GLB1L: variants seen among roughly 807,000 people sequenced by gnomAD.
GLB1L encodes the protein beta-galactosidase-1-like protein.
A neutral mutation model predicts 75.7 loss-of-function variants in GLB1L; 58 were observed. That is an observed-to-expected ratio of 0.77 (90% CI 0.62 to 0.95). The LOEUF (loss-of-function observed/expected upper bound fraction) is 0.95. Ranked by LOEUF, GLB1L falls within the 40% of genes least tolerant of loss-of-function variation. The pLI, the probability that GLB1L is intolerant of heterozygous loss-of-function variation, is 0.00. For missense variants in GLB1L, 797 were observed against 805.5 expected (o/e 0.99, Z 0.13); for synonymous variants, 296 against 303.0 (o/e 0.98, Z 0.24).
In GLB1L at chr2:219,241,860, C is replaced by T. The variant is rs1372452349; in HGVS notation, c.451+654G>A. Among the ~76,000 whole-genome samples the T allele has an allele frequency of 3.3e-5, 5 of 151,798 alleles. No individual in the cohort carries two copies. In the East Asian group the frequency reaches 5.8e-4, roughly 18 times the overall value. ...AGAACAGATTGTATGGGGGAGAGGG[C>T]AAACAAGGGAAACCAGTTAGGAAGC... On this transcript the variant is annotated intron_variant, in intron 5 of 16. Coordinates refer to ENST00000295759, the MANE Select transcript of GLB1L (RefSeq NM_001286423.2).
intron 5 of GLB1L, 88 bp from the exon 6 acceptor site, chr2:219,240,373 A>C: frequency 9.4e-7 from 1 of 1,062,748 alleles, no homozygotes; most frequent in Non-Finnish European, 1.5e-6. Flanking sequence ...CTTGTCAAGA[A>C]ATTCCCAACC....
At chr2:219,245,069 C>G (rs1052426163) in intron 1 of GLB1L, among the ~76,000 whole-genome samples, 160 bp downstream of exon 1, 2 of 152,222 alleles carry the variant, frequency 1.3e-5, no homozygotes, top group South Asian at 4.1e-4. Context: ...AGCTCTTAAC[C>G]ACTGAGACTA....
Position 219,243,604 on chromosome 2 carries a change from G to A in GLB1L, c.-31C>T, listed in dbSNP as rs774287295. 3.1e-6 allele frequency: 5 copies of A among 1,608,810 alleles called. No homozygotes were observed. In the African/African-American group the frequency reaches 5.4e-5, roughly 17 times the overall value. ...TTACAGCGCTCCTCTAGTCTGAGAC[G>A]GCGGACAGACCGTCACGTGTCGGAT... is the stretch of plus-strand genomic sequence containing the variant. On this transcript the variant is annotated 5_prime_UTR_variant, in exon 2 of 17. Transcript: ENST00000295759.
At chr2:219,241,442 G>GTGTGTA (rs1382897637) in intron 5 of GLB1L, among the ~76,000 whole-genome samples, 36 of 82,902 alleles carry the variant, frequency 4.3e-4, no homozygotes, top group South Asian at 1.5e-3. Flanking sequence ...GTGTGTGTGT[G>GTGTGTA]TATATATATA....
chr2:219,240,382 C>T, intron 5 of GLB1L, 97 bp from the exon 6 acceptor site: 1 of 953,252 alleles, frequency 1.0e-6, no homozygotes, highest in East Asian at 2.4e-5. Context: ...AAATTCCCAA[C>T]CCTAAGCACC....
At chr2:219,241,442 GTATATA>G (rs1212111892) in intron 5 of GLB1L, among the ~76,000 whole-genome samples, 2 of 82,890 alleles carry the variant, frequency 2.4e-5, no homozygotes, top group African/African-American at 8.6e-5. Flanking sequence ...GTGTGTGTGT[GTATATA>G]TATATATATA....
In GLB1L at chr2:219,238,283, TC is replaced by T. The variant is rs759772558; in HGVS notation, c.1307del (p.Gly436GlufsTer8). ...CCATCACATAGGCACGGTCATGGAC[TC>T]CATTATTTGGCACCCAGAATGGTGT... ...EPTPFWVPNN[G>X]VHDRAYVMVD... On this transcript the variant is annotated frameshift_variant, in exon 14 of 17. Transcript: ENST00000295759. LOFTEE classifies it high-confidence loss of function. 6.2e-7 allele frequency: 1 copy of T among 1,612,340 alleles called. No homozygotes were observed. Among genetic ancestry groups the T allele is most frequent in the Non-Finnish European group, 8.5e-7 (1 of 1,178,998 alleles).
At position 219,237,939 on chromosome 2, in the gene GLB1L, C is replaced by G; in HGVS notation, c.1360G>C (p.Glu454Gln). 6.2e-7 allele frequency: 1 copy of G among 1,614,148 alleles called. No homozygotes were observed. The highest frequency in any genetic ancestry group is 1.1e-5 in the South Asian group (1 of 91,076). The change falls in exon 15 of 17, where the codon GAG becomes CAG. Residue 454 changes from glutamate to glutamine, a missense_variant. Physicochemically the swap from Glu to Gln is conservative, Grantham distance 29 (BLOSUM62 2). Transcript: ENST00000295759. Reference protein sequence around the residue: ...MVDGVFQGVVERNMRDKLFLT... With the variant: ...MVDGVFQGVVQRNMRDKLFLT... ...AATAGTTTGTCTCTCATATTTCGCTCCACAACACCCTGGAACACCTGTGGA... is the reference window on the plus strand; with the variant it reads ...AATAGTTTGTCTCTCATATTTCGCTGCACAACACCCTGGAACACCTGTGGA...
chr2:219,243,789 G>A (rs1165508099), intron 1 of GLB1L, 146 bp from the exon 2 acceptor site: 2 of 551,708 alleles, frequency 3.6e-6, no homozygotes, highest in Non-Finnish European at 6.6e-6. Context: ...CAGCTTCATC[G>A]ACATCACCTG....
intron 16 of GLB1L, 21 bp from the exon 17 acceptor site, chr2:219,237,368 AAG>A (rs775430327): frequency 1.2e-6 from 2 of 1,608,064 alleles, no homozygotes; most frequent in Non-Finnish European, 1.7e-6. Context: ...GGGAGCAGGA[AAG>A]AGGGGAAAAG....
intron 14 of GLB1L, 37 bp downstream of exon 14, chr2:219,238,213 G>C (rs201628675): frequency 1.4e-5 from 19 of 1,396,180 alleles, no homozygotes; most frequent in Non-Finnish European, 1.8e-5. Flanking sequence ...GGGGAAGGGA[G>C]GAGTTTGGGG....
At chr2:219,244,558 C>T (rs1951481926) in intron 1 of GLB1L, among the ~76,000 whole-genome samples, 1 of 151,816 alleles carries the variant, frequency 6.6e-6, no homozygotes, top group African/African-American at 2.4e-5. Flanking sequence ...TGGAAGTGCA[C>T]CCCTCTCCAG....
chr2:219,238,698 A>T lies in GLB1L; in HGVS notation c.1137+7T>A, dbSNP rs1470995873. The T allele has an allele frequency of 1.9e-6, 3 of 1,613,624 alleles. No homozygotes were observed. In the South Asian group the frequency reaches 3.3e-5, roughly 18 times the overall value. The stretch of plus-strand genomic sequence containing the variant: ...TGGTATAAGAGAAAAGATGTGGAGG[A>T]ACTTACCAGGTGCAGAGTCACAGGT... On this transcript the variant is annotated splice_region_variant and intron_variant, in intron 12 of 16. Transcript: ENST00000295759.
intron 1 of GLB1L, among the ~76,000 whole-genome samples, chr2:219,244,219 T>C (rs966134429): frequency 2.0e-5 from 3 of 152,334 alleles, no homozygotes; most frequent in Non-Finnish European, 2.9e-5. Flanking sequence ...AGAATTTGTA[T>C]TTTAACAAGA....
chr2:219,238,946 T>C, intron 11 of GLB1L, 146 bp downstream of exon 11: 2 of 827,222 alleles, frequency 2.4e-6, no homozygotes, highest in Non-Finnish European at 3.9e-6. Context: ...TCCCATTTGG[T>C]TGAATGGGAA....
chr2:219,238,845 A>G, intron 11 of GLB1L, 66 bp from the exon 12 acceptor site: 1 of 1,406,186 alleles, frequency 7.1e-7, no homozygotes, highest in Non-Finnish European at 9.9e-7. Flanking sequence ...CCAAGACTCT[A>G]GGGCAGAGTT....
At chr2:219,240,647 G>C (rs1051618677) in intron 5 of GLB1L, among the ~76,000 whole-genome samples, 1 of 152,226 alleles carries the variant, frequency 6.6e-6, no homozygotes, top group Non-Finnish European at 1.5e-5. Context: ...AGGAGGCTGA[G>C]ACAGGAGAAT....
chr2:219,242,522 G>A lies in GLB1L; in HGVS notation c.443C>T (p.Ser148Leu). ...CCTTTGTCTCAACTCACCTGGATCT[G>A]AGGTTCTTAGATGAATTTCAGGTTT... Reference protein sequence around the residue: ...LRKPEIHLRTSDPDFLAAVDS... With the variant: ...LRKPEIHLRTLDPDFLAAVDS... Residue 148 changes from serine to leucine, a missense_variant, in exon 5 of 17, where the codon TCA becomes TTA. Ser to Leu is a moderately radical substitution (Grantham distance 145). Coordinates refer to ENST00000295759, the MANE Select transcript of GLB1L (RefSeq NM_001286423.2). 1 of 1,612,076 alleles carries A rather than the reference G, an allele frequency of 6.2e-7. No homozygotes were observed. Among genetic ancestry groups the A allele is most frequent in the South Asian group, 1.1e-5 (1 of 91,038 alleles).
chr2:219,237,079 C>T lies in GLB1L; in HGVS notation c.1958G>A (p.Gly653Glu), dbSNP rs748044318. ...CCATGCCCGGCCTACCTTTCAGTGCCCACTTAACTCCATTGGTTCAGAGGC... is the reference window on the plus strand; with the variant it reads ...CCATGCCCGGCCTACCTTTCAGTGCTCACTTAACTCCATTGGTTCAGAGGC... The part of the protein sequence containing the change: ...LSASEPMELS[G>E]H The change falls in exon 17 of 17, where the codon GGG becomes GAG. Residue 653 changes from glycine to glutamate, a missense_variant. Physicochemically the swap from Gly to Glu is moderately conservative, Grantham distance 98. Coordinates refer to ENST00000295759, the MANE Select transcript of GLB1L (RefSeq NM_001286423.2). 4 of 1,601,790 alleles carry T rather than the reference C, an allele frequency of 2.5e-6. No individual in the cohort carries two copies. Among genetic ancestry groups the T allele is most frequent in the Non-Finnish European group, 3.4e-6 (4 of 1,169,982 alleles).
Sources: gnomAD v4.1 joint callset for allele counts (sites outside exome capture counted in the v4.1 genomes callset) on GRCh38, gnomAD v4.1.1 for gene constraint, MANE v1.5 for transcripts, NCBI Gene and HGNC (gene_info 2026-07-23, HGNC 2026-07-21) for gene names.